Variants in ZNF721 observed in about 807,000 individuals in gnomAD.
ZNF721 encodes zinc finger protein 721.
Under a neutral mutation model 2.4 loss-of-function variants are expected in ZNF721, and 2 were observed. The ratio of observed to expected loss-of-function variants is 0.82; its 90% confidence interval spans 0.34 to 2.58. The LOEUF (loss-of-function observed/expected upper bound fraction) is 2.58. Among genes scored for constraint, ZNF721 ranks in the 30% most tolerant of loss-of-function variants. ZNF721 has a pLI of 0.11. For synonymous variants in ZNF721, 398 were observed against 381.8 expected, an observed-to-expected ratio of 1.04 and a Z score of -0.50; for missense variants, 1,187 against 1,085.5, an observed-to-expected ratio of 1.09 and a Z score of -1.31.
intron 1 of ZNF721, among the ~76,000 whole-genome samples, chr4:485,952 C>G (rs1183051269): frequency 2.0e-5 from 3 of 151,658 alleles, no homozygotes; most frequent in African/African-American, 7.3e-5. Context: ...TCCAGCCTGG[C>G]GACAGAGCGA....
At chr4:470,843 T>C (rs1715409784) in intron 2 of ZNF721, among the ~76,000 whole-genome samples, 1 of 151,754 alleles carries the variant, frequency 6.6e-6, no homozygotes, top group South Asian at 2.1e-4. Context: ...TACTAAAAAA[T>C]ACAAAACTTA....
In ZNF721 at chr4:444,325, G is replaced by T; in HGVS notation, c.142C>A (p.Gln48Lys). The part of the protein sequence containing the change: ...RYEKCGHDNL[Q>K]LRKGCKSMNV... ...ATACTTTTACAGCCTTTCCTTAATT[G>T]TAAATTATCATGCCCACATTTCTCA... The change falls in exon 3 of 3, where the codon CAA becomes AAA. Residue 48 changes from glutamine to lysine, a missense_variant. By Grantham distance (53) the Gln-to-Lys change is moderately conservative. Transcript: ENST00000511833. The T allele has an allele frequency of 6.2e-7, 1 of 1,613,990 alleles. No homozygotes were observed. Among genetic ancestry groups the T allele is most frequent in the Non-Finnish European group, 8.5e-7 (1 of 1,179,978 alleles).
At chr4:481,794 A>T (rs1553869551) in intron 1 of ZNF721, among the ~76,000 whole-genome samples, 2 of 152,230 alleles carry the variant, frequency 1.3e-5, no homozygotes. Context: ...CCTTTGGCTC[A>T]GTCTCACAGA....
At chr4:492,184 C>G (rs1716041739) in intron 1 of ZNF721, among the ~76,000 whole-genome samples, 1 of 149,924 alleles carries the variant, frequency 6.7e-6, no homozygotes, top group Non-Finnish European at 1.5e-5. Flanking sequence ...AACAAACAAA[C>G]AAACAAAAAA....
At chr4:450,915 C>T (rs1480649730) in intron 2 of ZNF721, among the ~76,000 whole-genome samples, 2 of 115,848 alleles carry the variant, frequency 1.7e-5, no homozygotes, top group South Asian at 2.9e-4. Context: ...CCAGCCTGGG[C>T]GACAGAGCAA....
chr4:468,226 C>A (rs1715317362), intron 2 of ZNF721, among the ~76,000 whole-genome samples: 1 of 150,934 alleles, frequency 6.6e-6, no homozygotes, highest in Non-Finnish European at 1.5e-5. Context: ...GAGATAGCAC[C>A]ACTGCACTCC....
In ZNF721 at chr4:442,436, G is replaced by A. The variant is rs1553863358; in HGVS notation, c.2031C>T (p.Ala677=). ...QSYKCEECGK[A]FGWSIALNQH... is the part of the protein sequence containing the mutation. ...GATTCAGGGCTATGGACCATCCAAA[G>A]GCTTTGCCACACTCTTCACATTTGT... Residue 677 remains alanine, a synonymous_variant, in exon 3 of 3, where the codon GCC becomes GCT. Transcript: ENST00000511833. 2 of 1,613,878 alleles carry A rather than the reference G, an allele frequency of 1.2e-6. No homozygotes were observed. The highest frequency in any genetic ancestry group is 1.7e-5 in the Admixed American group (1 of 60,016).
chr4:448,860 TTC>T (rs1714561929), intron 2 of ZNF721, among the ~76,000 whole-genome samples: 1 of 152,176 alleles, frequency 6.6e-6, no homozygotes, highest in Non-Finnish European at 1.5e-5. Flanking sequence ...CAACACAGAT[TTC>T]TCTCACCAAA....
At chr4:472,814 T>C in intron 1 of ZNF721, 113 bp from the exon 2 acceptor site, 2 of 1,383,874 alleles carry the variant, frequency 1.4e-6, no homozygotes, top group East Asian at 4.7e-5. Flanking sequence ...TAAAACAACT[T>C]TCAACACAGT....
chr4:498,748 C>T (rs1470153947), intron 1 of ZNF721, among the ~76,000 whole-genome samples: 4 of 123,302 alleles, frequency 3.2e-5, no homozygotes, highest in African/African-American at 1.1e-4. Flanking sequence ...TTTTTTGAGA[C>T]GCAGTCTCGC....
intron 1 of ZNF721, chr4:474,132 G>T (rs559821559): frequency 2.0e-6 from 2 of 1,007,006 alleles, no homozygotes; most frequent in Non-Finnish European, 1.4e-6. Flanking sequence ...CCGAGCTCAG[G>T]CTGAAGCAAC....
chr4:470,884 C>G (rs1715411014), intron 2 of ZNF721, among the ~76,000 whole-genome samples: 1 of 151,852 alleles, frequency 6.6e-6, no homozygotes, highest in Non-Finnish European at 1.5e-5. Context: ...CCAGGAATCA[C>G]AGCTACTCGG....
chr4:473,082 A>T (rs1459120840), intron 1 of ZNF721, among the ~76,000 whole-genome samples: 1 of 152,154 alleles, frequency 6.6e-6, no homozygotes, highest in Non-Finnish European at 1.5e-5. Flanking sequence ...CCAGAACAAT[A>T]GACAGGATGT....
intron 1 of ZNF721, among the ~76,000 whole-genome samples, chr4:494,300 A>G (rs893545388): frequency 6.7e-5 from 10 of 150,164 alleles, no homozygotes; most frequent in African/African-American, 2.2e-4. Flanking sequence ...TCCTGCTGCA[A>G]CCTCCCGAGT....
rs781824154 is a variant in ZNF721, at chr4:442,996, G to A, written c.1471C>T (p.His491Tyr). Residue 491 changes from histidine (H) to tyrosine (Y), a missense_variant, in exon 3 of 3, where the codon CAT (histidine) becomes TAT (tyrosine). Transcript: ENST00000511833. The stretch of plus-strand genomic sequence containing the variant: ...TTCTCGCCAGTATGAATCCTCTTAT[G>A]TTTAGCAAAGCTTGAGGATGAGGTA... Reference protein sequence around the residue: ...VITSSSSFAKHKRIHTGEKPF... With the variant: ...VITSSSSFAKYKRIHTGEKPF... The A allele has an allele frequency of 1.2e-6, 2 of 1,613,832 alleles. No homozygotes were observed. The highest frequency in any genetic ancestry group is 1.1e-5 in the South Asian group (1 of 91,078).
At chr4:472,534 C>A (rs1560238102) in intron 2 of ZNF721, 41 bp downstream of exon 2, 2 of 1,570,712 alleles carry the variant, frequency 1.3e-6, no homozygotes, top group Non-Finnish European at 1.7e-6. Flanking sequence ...AAATAAAACT[C>A]AGAGGGAGTA....
intron 2 of ZNF721, among the ~76,000 whole-genome samples, chr4:470,384 T>A (rs1478761889): frequency 6.6e-6 from 1 of 152,192 alleles, no homozygotes; most frequent in African/African-American, 2.4e-5. Context: ...AGTAAACTGC[T>A]TCTTCACAGC....
At chr4:480,823 T>TTG (rs1187599509) in intron 1 of ZNF721, among the ~76,000 whole-genome samples, 1 of 91,534 alleles carries the variant, frequency 1.1e-5, no homozygotes, top group Non-Finnish European at 2.1e-5. Flanking sequence ...TCACCTTTTG[T>TTG]GGGGGGGGGG....
At chr4:486,024 C>T (rs751374379) in intron 1 of ZNF721, among the ~76,000 whole-genome samples, 3 of 151,952 alleles carry the variant, frequency 2.0e-5, no homozygotes, top group Non-Finnish European at 4.4e-5. Flanking sequence ...TTAATTATTC[C>T]GTTGCAACTT....
Sources: allele counts gnomAD v4.1 joint callset (sites outside exome capture counted in the v4.1 genomes callset), GRCh38; gene constraint gnomAD v4.1.1; transcripts MANE v1.5; gene names NCBI Gene and HGNC (gene_info 2026-07-23, HGNC 2026-07-21).